The following NEB variants were observed in gnomAD, a reference collection of about 807,000 sequenced individuals.
NEB encodes nebulin.
NEB carries 512 observed loss-of-function variants against 952.2 expected under a neutral mutation model. The ratio of observed to expected loss-of-function variants is 0.54; its 90% CI spans 0.50 to 0.58. NEB has a LOEUF of 0.58. NEB is among the 20% of genes least tolerant of loss of function. The pLI is 0.00. For synonymous variants in NEB, 2,900 were observed against 3,149.8 expected (o/e 0.92, Z 2.66); for missense variants, 8,428 against 9,231.1 (o/e 0.91, Z 3.56).
chr2:151,557,201 A>C (rs2153681507), intron 124 of NEB, among the ~76,000 whole-genome samples: 1 of 152,338 alleles, frequency 6.6e-6, no homozygotes, highest in East Asian at 1.9e-4. Flanking sequence ...CACCGTTCCC[A>C]CAGAAATACA....
intron 138 of NEB, among the ~76,000 whole-genome samples, chr2:151,538,724 C>T (rs1413796692): frequency 2.6e-5 from 4 of 152,010 alleles, no homozygotes; most frequent in Non-Finnish European, 5.9e-5. Context: ...GGTTTAGCTT[C>T]TAACTCCTAG....
intron 76 of NEB, 78 bp downstream of exon 76, chr2:151,615,924 C>G: frequency 9.0e-7 from 1 of 1,112,364 alleles, no homozygotes; most frequent in Non-Finnish European, 1.3e-6. Context: ...AACTAAATTT[C>G]TAGCAAGAAA....
In NEB at chr2:151,709,303, G is replaced by T. The variant is rs145679681; in HGVS notation, c.1035+353C>A. Among the ~76,000 whole-genome samples the T allele has an allele frequency of 5.9e-3, 904 of 152,258 alleles. 8 individuals are homozygous for T. The highest frequency in any genetic ancestry group is 0.02 in the Middle Eastern group (6 of 294). ...ATTACAATCTTTCTCCTTCTAAACA[G>T]CAAAAGGCCCTTCCAGTGAGAAGAC... On this transcript the variant is annotated intron_variant, in intron 12 of 181. Transcript: ENST00000397345.
chr2:151,609,202 A>AG (rs72120958), intron 81 of NEB, among the ~76,000 whole-genome samples: 37,431 of 151,184 alleles, frequency 0.25, 5,594 homozygotes, highest in Admixed American at 0.4. Context: ...TCAAAATAAA[A>AG]GAAAAAAAAA....
At chr2:151,503,190 G>C in intron 166 of NEB, 159 bp downstream of exon 166, 2 of 614,574 alleles carry the variant, frequency 3.3e-6, no homozygotes, top group Non-Finnish European at 5.7e-6. Context: ...GGAAATGTGA[G>C]TCATTTTGTA....
At position 151,505,971 on chromosome 2, in the gene NEB, T is replaced by C. The variant is rs113350185; in HGVS notation, c.23649+195A>G. The stretch of plus-strand genomic sequence containing the variant: ...CTCTCTGTTTTTCAGATCTAATCTC[T>C]CCCTCATGAAAACCGCCAAGGCACT... On this transcript the variant is annotated intron_variant, in intron 164 of 181. Coordinates refer to ENST00000397345, the MANE Select transcript of NEB (RefSeq NM_001164508.2). 1,089 of 607,290 alleles carry C rather than the reference T, an allele frequency of 1.8e-3. 8 individuals are homozygous for C. Among genetic ancestry groups the C allele is most frequent in the African/African-American group, 0.017 (912 of 54,100 alleles). The allele number at this position is 607,290 out of a possible 1,614,324, so 37.6% of individuals were successfully genotyped here. A position where few individuals can be genotyped will look rare whatever the true frequency, so the allele number is the denominator to read the frequency against.
At chr2:151,733,406 C>T (rs767759155) in intron 2 of NEB, among the ~76,000 whole-genome samples, 6 of 152,150 alleles carry the variant, frequency 3.9e-5, no homozygotes, top group Non-Finnish European at 7.4e-5. Flanking sequence ...GCTACTTCTA[C>T]ATAATCAGTT....
intron 124 of NEB, among the ~76,000 whole-genome samples, chr2:151,558,082 T>C (rs1243148466): frequency 6.6e-5 from 10 of 152,284 alleles, no homozygotes; most frequent in Admixed American, 3.3e-4. Flanking sequence ...TCAAATTGTC[T>C]CTGTTTGCAG....
chr2:151,664,696 C>T, intron 43 of NEB, 63 bp downstream of exon 43: 2 of 1,524,980 alleles, frequency 1.3e-6, no homozygotes, highest in Non-Finnish European at 1.8e-6. Flanking sequence ...ATGTAGAATG[C>T]AGACATAAGT....
chr2:151,725,054 G>T, intron 6 of NEB, 93 bp from the exon 7 acceptor site: 1 of 936,048 alleles, frequency 1.1e-6, no homozygotes, highest in South Asian at 1.4e-5. Context: ...TTACCCCAAT[G>T]ACTCTAGGTC....
chr2:151,626,778 C>G (rs546152104), intron 70 of NEB, among the ~76,000 whole-genome samples: 5 of 152,254 alleles, frequency 3.3e-5, no homozygotes, highest in African/African-American at 9.6e-5. Context: ...CCTGCCTTGG[C>G]CTCCCAAAGA....
At chr2:151,728,049 A>C (rs2099796279) in intron 4 of NEB, 143 bp from the exon 5 acceptor site, 3 of 654,524 alleles carry the variant, frequency 4.6e-6, no homozygotes, top group Non-Finnish European at 7.9e-6. Flanking sequence ...AAAGCAGGAA[A>C]TGGCACACTG....
chr2:151,654,305 T>C (rs556745883), intron 51 of NEB, among the ~76,000 whole-genome samples: 2 of 152,334 alleles, frequency 1.3e-5, no homozygotes, highest in South Asian at 4.1e-4. Flanking sequence ...TTAATCTTTT[T>C]TGGCTGTGAG....
At chr2:151,632,543 G>A (rs1034684197) in intron 65 of NEB, among the ~76,000 whole-genome samples, 4 of 151,938 alleles carry the variant, frequency 2.6e-5, no homozygotes, top group Non-Finnish European at 5.9e-5. Context: ...GGGGCAGGGA[G>A]GCAGCAGCCT....
chr2:151,517,662 C>A (rs905234314), intron 156 of NEB, among the ~76,000 whole-genome samples: 3 of 152,116 alleles, frequency 2.0e-5, no homozygotes, highest in Admixed American at 2.0e-4. Flanking sequence ...GCCTGTTGCT[C>A]CTAGGCTAGA....
chr2:151,564,138 A>T (rs1188106357), intron 117 of NEB, among the ~76,000 whole-genome samples: 5 of 151,740 alleles, frequency 3.3e-5, no homozygotes, highest in African/African-American at 7.3e-5. Context: ...TTTATTTTTT[A>T]TTTTATTTTA....
intron 24 of NEB, chr2:151,689,517 T>C (rs2099529878): frequency 6.6e-6 from 1 of 152,200 alleles, no homozygotes; most frequent in African/African-American, 2.4e-5. Context: ...GAATTCTTAT[T>C]TAAATTATTA....
chr2:151,513,724 T>C (rs1005502135), intron 159 of NEB, 31 bp from the exon 160 acceptor site: 107 of 1,409,788 alleles, frequency 7.6e-5, no homozygotes, highest in Non-Finnish European at 1.1e-4. Context: ...AAAAAAAAGG[T>C]ACCTAAATGC....
intron 77 of NEB, among the ~76,000 whole-genome samples, chr2:151,613,324 C>A (rs1174581096): frequency 2.0e-5 from 3 of 152,138 alleles, no homozygotes; most frequent in East Asian, 3.9e-4. Context: ...TCAAAAGTTA[C>A]AATAGATACT....
Sources: gnomAD v4.1 joint callset for allele counts (sites outside exome capture counted in the v4.1 genomes callset) on GRCh38, gnomAD v4.1.1 for gene constraint, MANE v1.5 for transcripts, NCBI Gene and HGNC (gene_info 2026-07-23, HGNC 2026-07-21) for gene names.